MRPS11: variants seen among roughly 807,000 people sequenced by gnomAD.
MRPS11 encodes mitochondrial ribosomal protein S11.
Under a neutral mutation model 24.3 loss-of-function variants are expected in MRPS11, and 27 were observed. The observed-to-expected ratio is 1.11, with a 90% CI of 0.82 to 1.53. The LOEUF is 1.53. MRPS11 is among the 40% of genes most tolerant of loss of function. MRPS11 has a pLI of 0.00. For synonymous variants in MRPS11, 104 were observed against 98.7 expected (o/e 1.05, Z -0.32); for missense variants, 277 against 256.5 (o/e 1.08, Z -0.55).
In MRPS11 at chr15:88,476,976, T is replaced by G. The variant is rs1369620808; in HGVS notation, c.412-13T>G. On this transcript the variant is annotated splice_polypyrimidine_tract_variant and intron_variant, in intron 4 of 5. Coordinates refer to ENST00000325844, the MANE Select transcript of MRPS11 (RefSeq NM_022839.5). The stretch of plus-strand genomic sequence containing the variant: ...TCTCTCTCCGGGGCACTAACCACTC[T>G]GCTTCTCTCCAGAGAGCTAAACAAA... 1 of 1,593,324 alleles carries G rather than the reference T, an allele frequency of 6.3e-7. No homozygotes were observed. The highest frequency in any genetic ancestry group is 1.1e-5 in the South Asian group (1 of 90,094).
In MRPS11 at chr15:88,477,777, C is replaced by T; in HGVS notation, c.478-95C>T. On this transcript the variant is annotated intron_variant, in intron 5 of 5. Transcript: ENST00000325844. The surrounding 1 kb of genome is among the most constrained non-coding windows in gnomAD (Gnocchi z 5.7). ...GCATCTCACCCCTCCGTTCCCTTCT[C>T]TACGCCACCCTGTCCCTCTCCGAAC... 9.5e-7 allele frequency: 1 copy of T among 1,055,880 alleles called. No individual in the cohort carries two copies. The highest frequency in any genetic ancestry group is 1.9e-5 in the Admixed American group (1 of 51,800). The allele number at this position is 1,055,880 out of a possible 1,614,324, so 65.4% of individuals were successfully genotyped here.
rs1314211809 is a variant in MRPS11 at position 88,480,124 on chromosome 15, C to T, written c.*2145C>T. The T allele has an allele frequency of 6.6e-6, 1 of 152,364 alleles. No homozygotes were observed. Among genetic ancestry groups the T allele is most frequent in the Non-Finnish European group, 1.5e-5 (1 of 68,132 alleles). The allele number at this position is 152,364 out of a possible 1,614,324, so 9.4% of individuals were successfully genotyped here. ...GTGTTGTGGTACTTGGAGGCTCAGC[C>T]TCCCAGGCTGCAGAGTGGATCTGGA... On this transcript the variant is annotated 3_prime_UTR_variant, in exon 6 of 6. Coordinates refer to ENST00000325844, the MANE Select transcript of MRPS11 (RefSeq NM_022839.5). This position sits in a 1 kb window ranked among gnomAD's most constrained non-coding sequence, Gnocchi z 5.1.
rs1479951106 is a variant in MRPS11, at chr15:88,477,485, A to T, written c.478-387A>T. Among the ~76,000 whole-genome samples the T allele has an allele frequency of 6.6e-6, 1 of 152,208 alleles. No individual in the cohort carries two copies. Among genetic ancestry groups the T allele is most frequent in the African/African-American group, 2.4e-5 (1 of 41,460 alleles). On this transcript the variant is annotated intron_variant, in intron 5 of 5. Coordinates refer to ENST00000325844, the MANE Select transcript of MRPS11 (RefSeq NM_022839.5). This position sits in a 1 kb window ranked among gnomAD's most constrained non-coding sequence, Gnocchi z 5.7. ...GTGACATCTCTCTGACTTTGCAGGA[A>T]TAATGAGGTATCAGGGAGGTGGAGG...
In MRPS11 at chr15:88,479,000, T is replaced by TATAA. The variant is rs945979632; in HGVS notation, c.*1027_*1030dup. 6.7e-6 allele frequency: 1 copy of TATAA among 149,180 alleles called. No individual in the cohort carries two copies. The highest frequency in any genetic ancestry group is 2.5e-5 in the African/African-American group (1 of 40,634). 9.2% of individuals were successfully genotyped at this position (149,180 alleles called of 1,614,324 possible). A position where few individuals can be genotyped will look rare whatever the true frequency, so the allele number is the denominator to read the frequency against. On this transcript the variant is annotated 3_prime_UTR_variant, in exon 6 of 6. Transcript: ENST00000325844. This position sits in a 1 kb window ranked among gnomAD's most constrained non-coding sequence, Gnocchi z 4.7. ...AGACTGTCTCAAAAAAATAAATAAA[T>TATAA]ATAAATAAAAATTTAAAAAAATTAA... is the stretch of plus-strand genomic sequence containing the variant.
rs1345328042 is a variant in MRPS11, at chr15:88,468,128, A to G, written c.182+104A>G. On this transcript the variant is annotated intron_variant, in intron 2 of 5. Coordinates refer to ENST00000325844, the MANE Select transcript of MRPS11 (RefSeq NM_022839.5). ...TGAATTTTCAGCTATGTCACTTGCT[A>G]TCCGTGGGACCTTATGCAAATAAAT... 14 of 1,493,854 alleles carry G rather than the reference A, an allele frequency of 9.4e-6. No individual in the cohort carries two copies. In the East Asian group the frequency reaches 3.0e-4, roughly 32 times the overall value. The allele number at this position is 1,493,854 out of a possible 1,614,324, so 92.5% of individuals were successfully genotyped here.
At chr15:88,470,048 G>A (rs144601154) in intron 2 of MRPS11, among the ~76,000 whole-genome samples, 1 of 152,150 alleles carries the variant, frequency 6.6e-6, no homozygotes, top group Admixed American at 6.5e-5. Flanking sequence ...CGGGCGCGGT[G>A]GCTCACACCT....
At chr15:88,471,740 C>G (rs535968886) in intron 2 of MRPS11, among the ~76,000 whole-genome samples, 1 of 152,314 alleles carries the variant, frequency 6.6e-6, no homozygotes, top group East Asian at 1.9e-4. Flanking sequence ...TAGATGATAA[C>G]TTAGCTAGAA....
chr15:88,480,354 C>T lies in MRPS11; in HGVS notation c.*2375C>T, dbSNP rs1281530787. ...TTCAGCCTCCTGTGAGCATCTGGGA[C>T]TACAGGCGCATGCCACCACACATGG... On this transcript the variant is annotated 3_prime_UTR_variant, in exon 6 of 6. Transcript: ENST00000325844. The surrounding 1 kb of genome is among the most constrained non-coding windows in gnomAD (Gnocchi z 5.1). 1 of 152,150 alleles carries T rather than the reference C, an allele frequency of 6.6e-6. No homozygotes were observed. The allele number at this position is 152,150 out of a possible 1,614,324, so 9.4% of individuals were successfully genotyped here.
At position 88,468,550 on chromosome 15, in the gene MRPS11, T is replaced by C. The variant is rs1344713918; in HGVS notation, c.182+526T>C. ...ACAAACATTTACCAAGAATCTACTA[T>C]GAGTGAGACACCATGCTAGGTGCCG... On this transcript the variant is annotated intron_variant, in intron 2 of 5. Transcript: ENST00000325844. 5.1e-6 allele frequency: 5 copies of C among 976,584 alleles called. No homozygotes were observed. The African/African-American group carries it at 8.8e-5, about 17-fold the overall frequency. 60.5% of individuals were successfully genotyped at this position (976,584 alleles called of 1,614,324 possible). A position where few individuals can be genotyped will look rare whatever the true frequency, so the allele number is the denominator to read the frequency against.
intron 3 of MRPS11, among the ~76,000 whole-genome samples, chr15:88,473,254 T>C (rs935595331): frequency 1.1e-4 from 17 of 152,338 alleles, no homozygotes; most frequent in African/African-American, 4.1e-4. Flanking sequence ...ACAAGACTAG[T>C]GTTCTTGTGT....
chr15:88,476,142 CA>C (rs1304240129), intron 4 of MRPS11, among the ~76,000 whole-genome samples: 6 of 152,310 alleles, frequency 3.9e-5, no homozygotes, highest in Admixed American at 2.0e-4. Flanking sequence ...TGAGCATCTA[CA>C]TGTGCCAGAC....
rs1212761739 is a variant in MRPS11, at chr15:88,477,805, T to C, written c.478-67T>C. 1.7e-5 allele frequency: 25 copies of C among 1,447,396 alleles called. No individual in the cohort carries two copies. Among genetic ancestry groups the C allele is most frequent in the Non-Finnish European group, 2.4e-5 (25 of 1,035,896 alleles). 89.7% of individuals were successfully genotyped at this position (1,447,396 alleles called of 1,614,324 possible). ...CGCCACCCTGTCCCTCTCCGAACCC[T>C]GCCTGGAGACACTGGATCATCATTT... On this transcript the variant is annotated intron_variant, in intron 5 of 5. Coordinates refer to ENST00000325844, the MANE Select transcript of MRPS11 (RefSeq NM_022839.5). This position sits in a 1 kb window ranked among gnomAD's most constrained non-coding sequence, Gnocchi z 5.7.
At position 88,475,356 on chromosome 15, in the gene MRPS11, G is replaced by A. The variant is rs1406397434; in HGVS notation, c.411+117G>A. ...TCAGAAGCAAGGGTTTGTCATGGCA[G>A]CTTTGATGCCCTGATTGGAGCATTG... On this transcript the variant is annotated intron_variant, in intron 4 of 5. Coordinates refer to ENST00000325844, the MANE Select transcript of MRPS11 (RefSeq NM_022839.5). This position sits in a 1 kb window ranked among gnomAD's most constrained non-coding sequence, Gnocchi z 4.1. The A allele has an allele frequency of 7.1e-7, 1 of 1,403,944 alleles. No individual in the cohort carries two copies. Among genetic ancestry groups the A allele is most frequent in the Non-Finnish European group, 9.7e-7 (1 of 1,030,076 alleles). The allele number at this position is 1,403,944 out of a possible 1,614,324, so 87.0% of individuals were successfully genotyped here.
intron 2 of MRPS11, among the ~76,000 whole-genome samples, chr15:88,470,482 C>T (rs1275162250): frequency 6.6e-6 from 1 of 152,094 alleles, no homozygotes; most frequent in South Asian, 2.1e-4. Flanking sequence ...AACCCTGGGG[C>T]GCTTTCACAT....
chr15:88,470,214 C>G (rs2055661794), intron 2 of MRPS11, among the ~76,000 whole-genome samples: 1 of 152,148 alleles, frequency 6.6e-6, no homozygotes, highest in Non-Finnish European at 1.5e-5. Context: ...ACCCAGGACG[C>G]TGAGGCAGGA....
At position 88,472,624 on chromosome 15, in the gene MRPS11, C is replaced by T. The variant is rs371134472; in HGVS notation, c.183-3C>T. ...TTAAATAAAATCTTTCTTCTAATTG[C>T]AGCATTTACCCTCCCATTCCAGGAG... On this transcript the variant is annotated splice_polypyrimidine_tract_variant and splice_region_variant and intron_variant, in intron 2 of 5. Transcript: ENST00000325844. 9.3e-6 allele frequency: 15 copies of T among 1,608,466 alleles called. No individual in the cohort carries two copies. The highest frequency in any genetic ancestry group is 1.3e-5 in the Non-Finnish European group (15 of 1,176,746).
Position 88,477,724 on chromosome 15 carries a change from T to C in MRPS11, c.478-148T>C, listed in dbSNP as rs146271166. 4.0e-4 allele frequency: 289 copies of C among 719,408 alleles called. No individual in the cohort carries two copies. In the African/African-American group the frequency reaches 4.1e-3, roughly 10 times the overall value. The allele number at this position is 719,408 out of a possible 1,614,324, so 44.6% of individuals were successfully genotyped here. On this transcript the variant is annotated intron_variant, in intron 5 of 5. Transcript: ENST00000325844. This position sits in a 1 kb window ranked among gnomAD's most constrained non-coding sequence, Gnocchi z 5.7. Reference sequence around the variant, plus strand: ...AGACCTTTGTGAGAGTAGAATAGGATTGGGATTATAGGTATCAAAGCCAGT... The same window carrying C: ...AGACCTTTGTGAGAGTAGAATAGGACTGGGATTATAGGTATCAAAGCCAGT...
chr15:88,469,631 C>G lies in MRPS11; in HGVS notation c.182+1607C>G, dbSNP rs961016075. Reference sequence around the variant, plus strand: ...TTGCTGAATAAAGGGTTGACATGATCTTGCTGACAAGATCTTGTAAGCTCT... The same window carrying G: ...TTGCTGAATAAAGGGTTGACATGATGTTGCTGACAAGATCTTGTAAGCTCT... On this transcript the variant is annotated intron_variant, in intron 2 of 5. Coordinates refer to ENST00000325844, the MANE Select transcript of MRPS11 (RefSeq NM_022839.5). The surrounding 1 kb of genome is among the most constrained non-coding windows in gnomAD (Gnocchi z 4.4). Among the ~76,000 whole-genome samples, 3 of 152,160 alleles carry G rather than the reference C, an allele frequency of 2.0e-5. No individual in the cohort carries two copies. The highest frequency in any genetic ancestry group is 7.2e-5 in the African/African-American group (3 of 41,418).
At position 88,472,663 on chromosome 15, in the gene MRPS11, G is replaced by C; in HGVS notation, c.219G>C (p.Leu73=). The change falls in exon 3 of 6, where the codon CTG becomes CTC. Residue 73 remains leucine, a synonymous_variant. Coordinates refer to ENST00000325844, the MANE Select transcript of MRPS11 (RefSeq NM_022839.5). ...CCATTCCAGGAGAGGAGAGCTCTCT[G>C]AGGTGGGCAGGAAAGAAATTTGAGG... ...YPPIPGEESS[L]RWAGKKFEEI... is the part of the protein sequence containing the mutation. 6.2e-7 allele frequency: 1 copy of C among 1,614,108 alleles called. No homozygotes were observed. Among genetic ancestry groups the C allele is most frequent in the African/African-American group, 1.3e-5 (1 of 75,048 alleles).
Sources: gnomAD v4.1 joint callset for allele counts (sites outside exome capture counted in the v4.1 genomes callset) on GRCh38, gnomAD v4.1.1 for gene constraint, Gnocchi (gnomAD v3.1) non-coding constraint, MANE v1.5 for transcripts, NCBI Gene and HGNC (gene_info 2026-07-23, HGNC 2026-07-21) for gene names.